COL13A1: variants seen among roughly 807,000 people sequenced by gnomAD.
The protein encoded by COL13A1 is collagen alpha-1(XIII) chain.
COL13A1 carries 89 observed loss-of-function variants against 130.9 expected under a neutral mutation model. That is an observed-to-expected ratio of 0.68 (90% CI 0.57 to 0.81). The LOEUF (loss-of-function observed/expected upper bound fraction) is 0.81, where lower values mean the gene tolerates loss of function less well. Among genes scored for constraint, COL13A1 ranks in the 30% least tolerant of loss-of-function variants. The pLI, the probability that COL13A1 is intolerant of heterozygous loss-of-function variation, is 0.00. For synonymous variants in COL13A1, 402 were observed against 341.6 expected (o/e 1.18, Z -1.95); for missense variants, 879 against 934.6 (o/e 0.94, Z 0.78).
At chr10:69,951,348 G>A (rs1249700774) in intron 38 of COL13A1, among the ~76,000 whole-genome samples, 11 of 152,074 alleles carry the variant, frequency 7.2e-5, no homozygotes, top group Admixed American at 6.6e-5. Flanking sequence ...AGCATTTAAT[G>A]TGCACAAAGA....
chr10:69,893,269 C>G (rs2061356297), intron 10 of COL13A1, among the ~76,000 whole-genome samples: 1 of 152,230 alleles, frequency 6.6e-6, no homozygotes, highest in Admixed American at 6.5e-5. Context: ...GGAGGACTGC[C>G]TGAACCCAGG....
At chr10:69,826,726 C>G (rs1379410903) in intron 2 of COL13A1, among the ~76,000 whole-genome samples, 3 of 152,114 alleles carry the variant, frequency 2.0e-5, no homozygotes, top group African/African-American at 7.2e-5. Flanking sequence ...TAACAGGAGA[C>G]CCCCCAAATA....
chr10:69,909,837 G>A (rs906530208), intron 17 of COL13A1, among the ~76,000 whole-genome samples: 1 of 152,216 alleles, frequency 6.6e-6, no homozygotes, highest in African/African-American at 2.4e-5. Context: ...CTCTAGTTTA[G>A]AAAGTTCATT....
intron 22 of COL13A1, among the ~76,000 whole-genome samples, chr10:69,922,354 G>A (rs1485104193): frequency 6.6e-6 from 1 of 152,184 alleles, no homozygotes; most frequent in Non-Finnish European, 1.5e-5. Flanking sequence ...CAGTGATGGG[G>A]TCTGCAAAGC....
chr10:69,842,364 C>T (rs1851838254), intron 2 of COL13A1, among the ~76,000 whole-genome samples: 1 of 152,206 alleles, frequency 6.6e-6, no homozygotes, highest in South Asian at 2.1e-4. Flanking sequence ...TATTCAGTCT[C>T]AGGTATGCCT....
Position 69,922,809 on chromosome 10 carries a change from G to T in COL13A1, c.1230+15G>T, listed in dbSNP as rs1455300350. On this transcript the variant is annotated intron_variant, in intron 23 of 40. Transcript: ENST00000645393. Reference sequence around the variant, plus strand: ...CAGGGCCAAAGGTGAGTGTTCCCTGGAATTGGTGTTGGGGAGGTGCTTACC... The same window carrying T: ...CAGGGCCAAAGGTGAGTGTTCCCTGTAATTGGTGTTGGGGAGGTGCTTACC... 1.3e-6 allele frequency: 2 copies of T among 1,550,650 alleles called. No individual in the cohort carries two copies. The highest frequency in any genetic ancestry group is 8.7e-7 in the Non-Finnish European group (1 of 1,145,454).
intron 2 of COL13A1, among the ~76,000 whole-genome samples, chr10:69,854,710 GTGAT>G: frequency 6.6e-6 from 1 of 152,156 alleles, no homozygotes; most frequent in East Asian, 1.9e-4. Flanking sequence ...GGGACGAGCT[GTGAT>G]TGATTGGTTG....
chr10:69,872,514 C>T lies in COL13A1; in HGVS notation c.399+304C>T, dbSNP rs77679814. On this transcript the variant is annotated intron_variant, in intron 4 of 40. Coordinates refer to ENST00000645393, the MANE Select transcript of COL13A1 (RefSeq NM_001368882.1). ...GCTGACTTCCAGACTGATGACCCTA[C>T]CATGAGCAGCTGCAGGGATGGGCAG... Among the ~76,000 whole-genome samples, 752 of 152,366 alleles carry T rather than the reference C, an allele frequency of 4.9e-3. 11 individuals are homozygous for T. The highest frequency in any genetic ancestry group is 0.017 in the African/African-American group (708 of 41,582).
At chr10:69,815,898 T>A (rs1242869692) in intron 1 of COL13A1, among the ~76,000 whole-genome samples, 1 of 135,016 alleles carries the variant, frequency 7.4e-6, no homozygotes. Context: ...AAAAAAAAAA[T>A]CCTAAGGAGG....
intron 17 of COL13A1, among the ~76,000 whole-genome samples, chr10:69,906,574 G>C (rs748301015): frequency 6.6e-6 from 1 of 152,054 alleles, no homozygotes; most frequent in East Asian, 1.9e-4. Flanking sequence ...GACTTGTCAC[G>C]TATCTGCTTG....
intron 2 of COL13A1, among the ~76,000 whole-genome samples, chr10:69,838,901 C>A (rs1337323909): frequency 6.6e-6 from 1 of 152,216 alleles, no homozygotes; most frequent in Non-Finnish European, 1.5e-5. Context: ...AGTAGCTTGG[C>A]GAAGCCAGTG....
chr10:69,886,557 A>C (rs2060609731), intron 7 of COL13A1, among the ~76,000 whole-genome samples: 1 of 152,234 alleles, frequency 6.6e-6, no homozygotes, highest in South Asian at 2.1e-4. Flanking sequence ...GTGGCAGGAA[A>C]GGAAACTAAT....
chr10:69,848,192 A>T (rs1346586678), intron 2 of COL13A1, among the ~76,000 whole-genome samples: 2 of 152,210 alleles, frequency 1.3e-5, no homozygotes, highest in Non-Finnish European at 2.9e-5. Context: ...GATGGATCAG[A>T]TGGCCGCATC....
chr10:69,803,892 G>A (rs991790906), intron 1 of COL13A1, among the ~76,000 whole-genome samples: 7 of 152,178 alleles, frequency 4.6e-5, no homozygotes, highest in Non-Finnish European at 7.4e-5. Flanking sequence ...TTGGCAAGAT[G>A]TACCTATTCC....
chr10:69,825,236 C>T (rs1417777762), intron 2 of COL13A1, among the ~76,000 whole-genome samples: 1 of 152,212 alleles, frequency 6.6e-6, no homozygotes, highest in Non-Finnish European at 1.5e-5. Flanking sequence ...TGAACATCCT[C>T]AAATTCGCAA....
chr10:69,834,276 G>T (rs1360034049), intron 2 of COL13A1, among the ~76,000 whole-genome samples: 1 of 152,176 alleles, frequency 6.6e-6, no homozygotes, highest in Non-Finnish European at 1.5e-5. Flanking sequence ...GTGAGGCCTG[G>T]TTCTTAACAG....
intron 2 of COL13A1, among the ~76,000 whole-genome samples, chr10:69,838,505 C>A (rs1850704092): frequency 6.6e-6 from 1 of 152,208 alleles, no homozygotes; most frequent in Non-Finnish European, 1.5e-5. Flanking sequence ...CAGTACCTGG[C>A]ATGGGGAGGA....
chr10:69,905,955 C>A, intron 17 of COL13A1, 133 bp downstream of exon 17: 1 of 964,036 alleles, frequency 1.0e-6, no homozygotes, highest in Non-Finnish European at 1.5e-6. Context: ...GCCAGGTTCT[C>A]ACTGGCCCCC....
At chr10:69,954,719 C>A (rs1254468897) in intron 39 of COL13A1, among the ~76,000 whole-genome samples, 3 of 152,178 alleles carry the variant, frequency 2.0e-5, no homozygotes, top group Non-Finnish European at 4.4e-5. Flanking sequence ...AAGGGTTTGT[C>A]CTTCTTGCTT....
Sources: allele counts gnomAD v4.1 joint callset (sites outside exome capture counted in the v4.1 genomes callset), GRCh38; gene constraint gnomAD v4.1.1; transcripts MANE v1.5; gene names NCBI Gene and HGNC (gene_info 2026-07-23, HGNC 2026-07-21).